Variants in ANLN observed in about 807,000 individuals in gnomAD.
ANLN encodes anillin.
ANLN carries 59 observed loss-of-function variants against 135.1 expected under a neutral mutation model. The observed-to-expected ratio is 0.44, with a 90% CI of 0.35 to 0.54. The LOEUF (loss-of-function observed/expected upper bound fraction) is 0.54, where lower values mean the gene tolerates loss of function less well. ANLN is among the 20% of genes least tolerant of loss of function. The probability of loss-of-function intolerance (pLI) is 0.00; values close to 1 mark genes in which losing one functional copy is unlikely to be tolerated. For synonymous variants in ANLN, 406 were observed against 456.4 expected, an observed-to-expected ratio of 0.89 and a Z score of 1.41; for missense variants, 1,182 against 1,340.0, an observed-to-expected ratio of 0.88 and a Z score of 1.84.
At chr7:36,405,819 G>C (rs1168974187) in intron 3 of ANLN, among the ~76,000 whole-genome samples, 1 of 152,146 alleles carries the variant, frequency 6.6e-6, no homozygotes, top group South Asian at 2.1e-4. Flanking sequence ...CTGTTGTACA[G>C]CAATGGTCTA....
intron 20 of ANLN, 74 bp from the exon 21 acceptor site, chr7:36,439,130 A>T: frequency 5.6e-6 from 5 of 890,440 alleles, no homozygotes; most frequent in Non-Finnish European, 9.2e-6. Flanking sequence ...TCTGTTCATG[A>T]TTTATACATG....
At chr7:36,424,774 T>G in intron 17 of ANLN, 32 bp downstream of exon 17, 1 of 1,589,558 alleles carries the variant, frequency 6.3e-7, no homozygotes, top group Non-Finnish European at 8.6e-7. Flanking sequence ...TAAAAATATT[T>G]TCATCAGAAG....
chr7:36,447,835 T>G (rs556710113), intron 22 of ANLN, among the ~76,000 whole-genome samples: 2 of 152,256 alleles, frequency 1.3e-5, no homozygotes, highest in Non-Finnish European at 2.9e-5. Flanking sequence ...AATTTTTCTT[T>G]TAATATTTTT....
intron 20 of ANLN, among the ~76,000 whole-genome samples, chr7:36,433,076 A>G (rs1419482686): frequency 1.3e-5 from 2 of 152,162 alleles, no homozygotes; most frequent in Admixed American, 6.5e-5. Flanking sequence ...TTGCCTCCCA[A>G]AATGCTGGGG....
At chr7:36,412,748 C>T (rs1787477336) in intron 7 of ANLN, among the ~76,000 whole-genome samples, 1 of 152,122 alleles carries the variant, frequency 6.6e-6, no homozygotes, top group Non-Finnish European at 1.5e-5. Context: ...AGAATGATTC[C>T]TCACCTGGCT....
chr7:36,410,279 ATTT>A (rs1182178127), intron 5 of ANLN, among the ~76,000 whole-genome samples: 1 of 145,932 alleles, frequency 6.9e-6, no homozygotes, highest in Non-Finnish European at 1.5e-5. Context: ...CCTTTTCAAA[ATTT>A]TTTTTTTTTT....
intron 21 of ANLN, among the ~76,000 whole-genome samples, chr7:36,440,034 C>G (rs1197607340): frequency 1.3e-5 from 2 of 152,224 alleles, no homozygotes; most frequent in Non-Finnish European, 2.9e-5. Flanking sequence ...GAAGACTAGT[C>G]AGTTCCCACC....
chr7:36,403,766 C>T (rs1483497364), intron 3 of ANLN, among the ~76,000 whole-genome samples: 2 of 152,088 alleles, frequency 1.3e-5, no homozygotes, highest in Non-Finnish European at 2.9e-5. Flanking sequence ...ATCCTCCCAC[C>T]TCAGTGACCC....
intron 22 of ANLN, among the ~76,000 whole-genome samples, chr7:36,446,823 CATT>C (rs1789021454): frequency 1.3e-5 from 2 of 152,156 alleles, no homozygotes; most frequent in Non-Finnish European, 2.9e-5. Flanking sequence ...ATCAAGATGT[CATT>C]ATATGTGTAG....
chr7:36,428,315 T>C lies in ANLN; in HGVS notation c.2883+1287T>C, dbSNP rs997586247. ...TATTTTGTCTGTTTTAGATAAATTA[T>C]GATGTAAGAGAGCGAGAGCTACTGG... On this transcript the variant is annotated intron_variant, in intron 20 of 23. Transcript: ENST00000265748. The C allele has an allele frequency of 8.6e-6, 11 of 1,277,854 alleles. No homozygotes were observed. In the African/African-American group the frequency reaches 1.2e-4, roughly 14 times the overall value. The allele number at this position is 1,277,854 out of a possible 1,614,324, so 79.2% of individuals were successfully genotyped here. A position where few individuals can be genotyped will look rare whatever the true frequency, so the allele number is the denominator to read the frequency against.
At chr7:36,443,678 G>A in intron 21 of ANLN, 77 bp from the exon 22 acceptor site, 2 of 856,226 alleles carry the variant, frequency 2.3e-6, no homozygotes, top group Non-Finnish European at 3.8e-6. Flanking sequence ...ACTACAGTTA[G>A]TGTACAGAAT....
chr7:36,419,173 A>G (rs1285444297), intron 9 of ANLN, 71 bp from the exon 10 acceptor site: 2 of 1,133,182 alleles, frequency 1.8e-6, no homozygotes, highest in African/African-American at 1.6e-5. Context: ...ATGAATATTA[A>G]ATTTTCTTTG....
intron 20 of ANLN, among the ~76,000 whole-genome samples, chr7:36,435,469 C>G (rs139308082): frequency 6.6e-6 from 1 of 152,058 alleles, no homozygotes; most frequent in African/African-American, 2.4e-5. Flanking sequence ...TCTCAAAGTT[C>G]AGGGATTACA....
intron 1 of ANLN, 141 bp downstream of exon 1, chr7:36,390,185 C>T: frequency 6.9e-7 from 1 of 1,440,744 alleles, no homozygotes; most frequent in Non-Finnish European, 9.5e-7. Context: ...GGGCCGGGGT[C>T]GCCGCGGCTG....
intron 20 of ANLN, among the ~76,000 whole-genome samples, chr7:36,427,614 A>G (rs1302525753): frequency 1.3e-5 from 2 of 152,208 alleles, no homozygotes; most frequent in Non-Finnish European, 2.9e-5. Context: ...TTGGCCTCCC[A>G]AAGTGCTGGG....
chr7:36,415,800 G>A lies in ANLN; in HGVS notation c.1438G>A (p.Val480Ile). 2 of 1,608,294 alleles carry A rather than the reference G, an allele frequency of 1.2e-6. No individual in the cohort carries two copies. The highest frequency in any genetic ancestry group is 1.7e-6 in the Non-Finnish European group (2 of 1,178,272). ...CACTCCCCTCAAAAAACACCAAGGT[G>A]TTTCAAAAACTCAGTCACTTCCAGT... ...QSTPLKKHQGVSKTQSLPVTE... is the reference protein window; with the variant it reads ...QSTPLKKHQGISKTQSLPVTE... The change falls in exon 8 of 24, where the codon GTT becomes ATT. Residue 480 changes from valine (V) to isoleucine (I), a missense_variant. Transcript: ENST00000265748.
chr7:36,451,932 A>G (rs1452472469), intron 23 of ANLN, among the ~76,000 whole-genome samples: 1 of 152,206 alleles, frequency 6.6e-6, no homozygotes, highest in Non-Finnish European at 1.5e-5. Context: ...AGGATAGACA[A>G]AGTCTTAGGA....
intron 21 of ANLN, 122 bp from the exon 22 acceptor site, chr7:36,443,633 A>G (rs1400790174): frequency 1.7e-6 from 1 of 597,298 alleles, no homozygotes; most frequent in Non-Finnish European, 2.9e-6. Context: ...AAAAAAACAT[A>G]CAAATAGGTT....
At chr7:36,413,979 G>A (rs1421107663) in intron 7 of ANLN, among the ~76,000 whole-genome samples, 3 of 150,822 alleles carry the variant, frequency 2.0e-5, no homozygotes, top group African/African-American at 7.3e-5. Context: ...GGGCAATGGA[G>A]TGAGACTCCG....
Sources: allele counts gnomAD v4.1 joint callset (sites outside exome capture counted in the v4.1 genomes callset), GRCh38; gene constraint gnomAD v4.1.1; transcripts MANE v1.5; gene names NCBI Gene and HGNC (gene_info 2026-07-23, HGNC 2026-07-21).